AGAP3: variants seen among roughly 807,000 people sequenced by gnomAD.
AGAP3 encodes ArfGAP with GTPase domain, ankyrin repeat and PH domain 3, also known as arf-GAP with GTPase, ANK repeat and PH domain-containing protein 3.
Under a neutral mutation model 96.9 loss-of-function variants are expected in AGAP3, and 24 were observed. The observed-to-expected ratio is 0.25, with a 90% CI of 0.18 to 0.35. The LOEUF is 0.35. AGAP3 is among the 10% of genes least tolerant of loss of function. The probability of loss-of-function intolerance (pLI) is 1.00; values close to 1 mark genes in which losing one functional copy is unlikely to be tolerated. For missense variants in AGAP3, 876 were observed against 1,254.2 expected (o/e 0.70, Z 4.55); for synonymous variants, 563 against 536.1 (o/e 1.05, Z -0.69).
chr7:151,108,066 C>T lies in AGAP3; in HGVS notation c.332-8727C>T, dbSNP rs1186976064. 6.6e-6 allele frequency among the ~76,000 whole-genome samples: 1 copy of T among 152,216 alleles called. No individual in the cohort carries two copies. The highest frequency in any genetic ancestry group is 1.5e-5 in the Non-Finnish European group (1 of 68,038). Reference sequence around the variant, plus strand: ...TCTCCAGGGAGGAGCTGCTAGAAAGCAGAGCTAAGCCCACAGTTGCTGTTG... The same window carrying T: ...TCTCCAGGGAGGAGCTGCTAGAAAGTAGAGCTAAGCCCACAGTTGCTGTTG... On this transcript the variant is annotated intron_variant, in intron 1 of 17. Transcript: ENST00000397238. The surrounding 1 kb of genome is among the most constrained non-coding windows in gnomAD (Gnocchi z 4.2).
chr7:151,089,215 T>C (rs763020984), intron 1 of AGAP3, among the ~76,000 whole-genome samples: 1 of 152,136 alleles, frequency 6.6e-6, no homozygotes, highest in Non-Finnish European at 1.5e-5. Context: ...CTTCCTGCGA[T>C]AGAACTCCTC....
Position 151,114,906 on chromosome 7 carries a change from G to C in AGAP3, c.332-1887G>C. 2.0e-6 allele frequency: 2 copies of C among 992,772 alleles called. No individual in the cohort carries two copies. The highest frequency in any genetic ancestry group is 2.4e-6 in the Non-Finnish European group (2 of 837,352). The allele number at this position is 992,772 out of a possible 1,614,324, so 61.5% of individuals were successfully genotyped here. A position where few individuals can be genotyped will look rare whatever the true frequency, so the allele number is the denominator to read the frequency against. On this transcript the variant is annotated intron_variant, in intron 1 of 17. Transcript: ENST00000397238. The surrounding 1 kb of genome is among the most constrained non-coding windows in gnomAD (Gnocchi z 4.4). ...CCGCGCTGCCGCCGCCCTGCAGGCC[G>C]CCCTCTGCGCCGCCAGTGAGCAGCC...
intron 9 of AGAP3, among the ~76,000 whole-genome samples, chr7:151,126,824 C>G (rs367735703): frequency 5.9e-5 from 9 of 152,312 alleles, no homozygotes; most frequent in African/African-American, 2.2e-4. Flanking sequence ...CCCTTAGTGC[C>G]GCTAGTTTTC....
rs550322041 is a variant in AGAP3, at chr7:151,118,381, C to A, written c.841+37C>A. ...GCCGGGTGGGAGTCACTGGCAGCCG[C>A]GGCCCCAGTGCTGGCGATAGGAAGG... On this transcript the variant is annotated intron_variant, in intron 6 of 17. Transcript: ENST00000397238. The surrounding 1 kb of genome is among the most constrained non-coding windows in gnomAD (Gnocchi z 6.1). The A allele has an allele frequency of 3.1e-6, 5 of 1,597,246 alleles. No individual in the cohort carries two copies. The African/African-American group carries it at 6.7e-5, about 21-fold the overall frequency.
intron 1 of AGAP3, among the ~76,000 whole-genome samples, chr7:151,093,054 A>T (rs1309421995): frequency 6.6e-6 from 1 of 152,204 alleles, no homozygotes; most frequent in Non-Finnish European, 1.5e-5. Flanking sequence ...TCTGTCTCCC[A>T]TGGGTAGCAC....
intron 1 of AGAP3, among the ~76,000 whole-genome samples, chr7:151,106,000 G>T (rs1799041752): frequency 6.6e-6 from 1 of 151,716 alleles, no homozygotes; most frequent in African/African-American, 2.4e-5. Context: ...AGGTTTAATG[G>T]GTTTAATAAG....
chr7:151,143,274 C>T lies in AGAP3; in HGVS notation c.2274-67C>T. 6.5e-7 allele frequency: 1 copy of T among 1,530,834 alleles called. No individual in the cohort carries two copies. The highest frequency in any genetic ancestry group is 8.8e-7 in the Non-Finnish European group (1 of 1,138,902). The allele number at this position is 1,530,834 out of a possible 1,614,324, so 94.8% of individuals were successfully genotyped here. A position where few individuals can be genotyped will look rare whatever the true frequency, so the allele number is the denominator to read the frequency against. On this transcript the variant is annotated intron_variant, in intron 16 of 17. Coordinates refer to ENST00000397238, the MANE Select transcript of AGAP3 (RefSeq NM_031946.7). This position sits in a 1 kb window ranked among gnomAD's most constrained non-coding sequence, Gnocchi z 5.9. Reference sequence around the variant, plus strand: ...GGTGCTCGCTTCCTTTCCTGCCCACCTTCCTGGCCCCACCCGTTGCTCGGT... The same window carrying T: ...GGTGCTCGCTTCCTTTCCTGCCCACTTTCCTGGCCCCACCCGTTGCTCGGT...
intron 9 of AGAP3, among the ~76,000 whole-genome samples, chr7:151,127,522 G>A (rs1800227939): frequency 6.6e-6 from 1 of 152,106 alleles, no homozygotes; most frequent in Admixed American, 6.6e-5. Context: ...AGTCTCCAGG[G>A]AGCACTGCCT....
chr7:151,112,397 G>GTA (rs560610186), intron 1 of AGAP3, among the ~76,000 whole-genome samples: 851 of 15,700 alleles, frequency 0.054, 12 homozygotes, highest in African/African-American at 0.3. Flanking sequence ...TCCCCGAGAC[G>GTA]TGTGTGTGTG....
chr7:151,107,310 C>CAA (rs1349995253), intron 1 of AGAP3, among the ~76,000 whole-genome samples: 10 of 70,088 alleles, frequency 1.4e-4, no homozygotes, highest in Admixed American at 5.0e-4. Flanking sequence ...GACTCCGGCT[C>CAA]AAAAAAAAAA....
Position 151,141,485 on chromosome 7 carries a change from T to G in AGAP3, c.1805-413T>G. 1 of 206,490 alleles carries G rather than the reference T, an allele frequency of 4.8e-6. No individual in the cohort carries two copies. The highest frequency in any genetic ancestry group is 2.3e-5 in the African/African-American group (1 of 43,320). 12.8% of individuals were successfully genotyped at this position (206,490 alleles called of 1,614,324 possible). ...CAAAATGAGGCGGCTGCAGCTGACA[T>G]GTACGGATGGTGCCCACACCCGCCT... On this transcript the variant is annotated intron_variant, in intron 13 of 17. Transcript: ENST00000397238. This position sits in a 1 kb window ranked among gnomAD's most constrained non-coding sequence, Gnocchi z 4.2.
intron 1 of AGAP3, among the ~76,000 whole-genome samples, chr7:151,112,658 G>A (rs988021236): frequency 1.3e-5 from 2 of 151,988 alleles, no homozygotes; most frequent in Admixed American, 6.6e-5. Flanking sequence ...GAATGCAGTG[G>A]CTCCATCTTG....
At chr7:151,121,540 C>G (rs1201247564) in intron 8 of AGAP3, among the ~76,000 whole-genome samples, 1 of 152,074 alleles carries the variant, frequency 6.6e-6, no homozygotes, top group African/African-American at 2.4e-5. Context: ...CCAGGGCACC[C>G]CCTGCCTTTC....
intron 1 of AGAP3, 31 bp downstream of exon 1, chr7:151,087,103 G>A: frequency 6.4e-7 from 1 of 1,564,974 alleles, no homozygotes; most frequent in East Asian, 2.4e-5. Context: ...CGGGAGCCGG[G>A]GCGCAGTGGC....
intron 3 of AGAP3, 71 bp downstream of exon 3, chr7:151,117,253 T>TA (rs200527701): frequency 6.3e-7 from 1 of 1,577,922 alleles, no homozygotes; most frequent in African/African-American, 1.3e-5. Context: ...AGGGTCTGGG[T>TA]GGGGGGTCTC....
At chr7:151,138,683 C>T (rs964272969) in intron 12 of AGAP3, among the ~76,000 whole-genome samples, 5 of 152,220 alleles carry the variant, frequency 3.3e-5, no homozygotes, top group African/African-American at 7.2e-5. Context: ...CAGCCCCCCG[C>T]GCAGTTAGCT....
chr7:151,114,840 A>G lies in AGAP3; in HGVS notation c.332-1953A>G. 6 of 1,054,562 alleles carry G rather than the reference A, an allele frequency of 5.7e-6. No homozygotes were observed. Among genetic ancestry groups the G allele is most frequent in the Non-Finnish European group, 6.9e-6 (6 of 875,472 alleles). The allele number at this position is 1,054,562 out of a possible 1,614,324, so 65.3% of individuals were successfully genotyped here. ...GCCCGCCGCTTGCCGCCGCGCCCAC[A>G]GCGTCTGCGACTCGCTGGACCTGCA... is the stretch of plus-strand genomic sequence containing the variant. On this transcript the variant is annotated intron_variant, in intron 1 of 17. Transcript: ENST00000397238. The surrounding 1 kb of genome is among the most constrained non-coding windows in gnomAD (Gnocchi z 4.4).
chr7:151,143,218 C>A lies in AGAP3; in HGVS notation c.2274-123C>A. 1 of 1,242,060 alleles carries A rather than the reference C, an allele frequency of 8.1e-7. No homozygotes were observed. Among genetic ancestry groups the A allele is most frequent in the Non-Finnish European group, 1.1e-6 (1 of 902,972 alleles). The allele number at this position is 1,242,060 out of a possible 1,614,324, so 76.9% of individuals were successfully genotyped here. A position where few individuals can be genotyped will look rare whatever the true frequency, so the allele number is the denominator to read the frequency against. Reference sequence around the variant, plus strand: ...CTCCTTCCTTTTTGCTCCATCTCATCTTCTCTCACTGTTTCTTCCTTGTTC... The same window carrying A: ...CTCCTTCCTTTTTGCTCCATCTCATATTCTCTCACTGTTTCTTCCTTGTTC... On this transcript the variant is annotated intron_variant, in intron 16 of 17. Coordinates refer to ENST00000397238, the MANE Select transcript of AGAP3 (RefSeq NM_031946.7). The surrounding 1 kb of genome is among the most constrained non-coding windows in gnomAD (Gnocchi z 5.9).
chr7:151,123,182 C>A, intron 8 of AGAP3: 1 of 1,078,372 alleles, frequency 9.3e-7, no homozygotes, highest in South Asian at 3.0e-5. Flanking sequence ...CGTTCCTGCT[C>A]CTGCTCCGGA....
Sources: gnomAD v4.1 joint callset for allele counts (sites outside exome capture counted in the v4.1 genomes callset) on GRCh38, gnomAD v4.1.1 for gene constraint, Gnocchi (gnomAD v3.1) non-coding constraint, MANE v1.5 for transcripts, NCBI Gene and HGNC (gene_info 2026-07-23, HGNC 2026-07-21) for gene names.